The following PTPRT variants were observed in gnomAD, a reference collection of about 807,000 sequenced individuals.
PTPRT encodes receptor-type tyrosine-protein phosphatase T.
PTPRT carries 56 observed loss-of-function variants against 176.8 expected under a neutral mutation model. The observed-to-expected ratio is 0.32, with a 90% CI of 0.26 to 0.40. The LOEUF is 0.40. PTPRT is among the 10% of genes least tolerant of loss of function. The pLI, the probability that PTPRT is intolerant of heterozygous loss-of-function variation, is 1.00. For synonymous variants in PTPRT, 783 were observed against 739.0 expected, an observed-to-expected ratio of 1.06 and a Z score of -0.96; for missense variants, 1,540 against 1,908.2, an observed-to-expected ratio of 0.81 and a Z score of 3.60.
chr20:43,165,219 C>T (rs144638071), intron 1 of PTPRT, among the ~76,000 whole-genome samples: 8 of 149,434 alleles, frequency 5.4e-5, no homozygotes, highest in African/African-American at 7.4e-5. Context: ...AGTGCAATGG[C>T]GCAATGTCGG....
At chr20:42,184,595 C>CTTCCTCT (rs1990684333) in intron 16 of PTPRT, among the ~76,000 whole-genome samples, 1 of 29,428 alleles carries the variant, frequency 3.4e-5, no homozygotes, top group African/African-American at 9.1e-5. Flanking sequence ...CTTCTTCTTC[C>CTTCCTCT]TCTTCTTCTT....
chr20:42,717,337 A>G (rs2076240993), intron 6 of PTPRT, among the ~76,000 whole-genome samples: 1 of 152,104 alleles, frequency 6.6e-6, no homozygotes, highest in Non-Finnish European at 1.5e-5. Flanking sequence ...ACAACAGCAG[A>G]AGATCCAAAA....
At chr20:42,694,893 C>G (rs761536088) in intron 6 of PTPRT, among the ~76,000 whole-genome samples, 1 of 152,180 alleles carries the variant, frequency 6.6e-6, no homozygotes, top group African/African-American at 2.4e-5. Flanking sequence ...GGCTACAGTC[C>G]TCTCAGGGCC....
At chr20:43,166,015 C>T (rs932041627) in intron 1 of PTPRT, among the ~76,000 whole-genome samples, 6 of 151,090 alleles carry the variant, frequency 4.0e-5, no homozygotes, top group East Asian at 1.9e-4. Context: ...CATGGAGAAA[C>T]GTCATCTCTA....
At chr20:42,235,293 G>T (rs1325575025) in intron 15 of PTPRT, among the ~76,000 whole-genome samples, 6 of 151,326 alleles carry the variant, frequency 4.0e-5, no homozygotes, top group Non-Finnish European at 8.8e-5. Flanking sequence ...ATGGAGTTTT[G>T]CTCTTGTTGC....
rs115130337 is a variant in PTPRT, at chr20:42,485,603, T to G, written c.1154-13041A>C. Among the ~76,000 whole-genome samples the G allele has an allele frequency of 4.8e-3, 725 of 152,342 alleles. 7 individuals are homozygous for G. Among genetic ancestry groups the G allele is most frequent in the African/African-American group, 0.017 (692 of 41,582 alleles). The stretch of plus-strand genomic sequence containing the variant: ...CCCTTCTAGAAGTACTACCTTTTTT[T>G]TTCAGCTGGAGAATTTGGCTTTTCA... On this transcript the variant is annotated intron_variant, in intron 7 of 30. Coordinates refer to ENST00000373187, the MANE Select transcript of PTPRT (RefSeq NM_007050.6).
chr20:42,090,844 G>T lies in PTPRT; in HGVS notation c.3847-4991C>A, dbSNP rs546888685. ...TGCAACCTTGACATTTTCTTCCTTA[G>T]ATGTAAAACTTTTGAAGTTGGCTGA... On this transcript the variant is annotated intron_variant, in intron 27 of 30. Transcript: ENST00000373187. Among the ~76,000 whole-genome samples the T allele has an allele frequency of 1.3e-3, 196 of 152,322 alleles. 1 individual carries two copies. Among genetic ancestry groups the T allele is most frequent in the Admixed American group, 3.3e-3 (51 of 15,294 alleles).
intron 9 of PTPRT, among the ~76,000 whole-genome samples, chr20:42,413,707 C>G (rs1295918754): frequency 6.6e-6 from 1 of 152,134 alleles, no homozygotes; most frequent in East Asian, 1.9e-4. Flanking sequence ...TGGTTTATAC[C>G]TTTCCCAAGA....
At chr20:42,379,248 G>A (rs919539705) in intron 9 of PTPRT, among the ~76,000 whole-genome samples, 12 of 152,184 alleles carry the variant, frequency 7.9e-5, no homozygotes, top group African/African-American at 2.9e-4. Flanking sequence ...CCAACACCTG[G>A]TCATTACTCA....
At chr20:42,580,122 G>A (rs1422304576) in intron 7 of PTPRT, among the ~76,000 whole-genome samples, 5 of 152,068 alleles carry the variant, frequency 3.3e-5, no homozygotes, top group African/African-American at 9.7e-5. Context: ...TTCTACATAT[G>A]GCTAGCCAGT....
At chr20:43,093,731 A>T (rs1018263679) in intron 1 of PTPRT, among the ~76,000 whole-genome samples, 12 of 152,068 alleles carry the variant, frequency 7.9e-5, no homozygotes, top group South Asian at 6.2e-4. Context: ...ACCCCTAACC[A>T]TGGCCCTGGA....
chr20:42,165,178 C>T (rs747429558), intron 16 of PTPRT, among the ~76,000 whole-genome samples: 2 of 152,138 alleles, frequency 1.3e-5, no homozygotes, highest in African/African-American at 4.8e-5. Context: ...TGCTGCCCAC[C>T]CTTATCCCCT....
chr20:42,145,571 A>C (rs1332127410), intron 17 of PTPRT, among the ~76,000 whole-genome samples: 1 of 151,594 alleles, frequency 6.6e-6, no homozygotes, highest in Non-Finnish European at 1.5e-5. Context: ...GATTTAGCCT[A>C]TGGCTATAGC....
rs572996415 is a variant in PTPRT, at chr20:42,637,440, T to TC, written c.1153+40425dup. The stretch of plus-strand genomic sequence containing the variant: ...TGATCCTTACATATGCCAAGCTTGT[T>TC]CCCCCCTCACATCCTTTGCAATTGC... On this transcript the variant is annotated intron_variant, in intron 7 of 30. Transcript: ENST00000373187. Among the ~76,000 whole-genome samples the TC allele has an allele frequency of 4.8e-3, 725 of 152,148 alleles. 3 individuals are homozygous for TC. Among genetic ancestry groups the TC allele is most frequent in the Middle Eastern group, 0.014 (4 of 294 alleles).
At chr20:42,613,825 C>A (rs2074016428) in intron 7 of PTPRT, among the ~76,000 whole-genome samples, 3 of 152,146 alleles carry the variant, frequency 2.0e-5, no homozygotes, top group Admixed American at 2.0e-4. Context: ...TTGAATATTT[C>A]TTGAGCTATC....
chr20:42,783,271 C>T (rs1399186942), intron 3 of PTPRT, among the ~76,000 whole-genome samples: 1 of 151,682 alleles, frequency 6.6e-6, no homozygotes, highest in Non-Finnish European at 1.5e-5. Context: ...AAATCTAAAA[C>T]AAAATTAAAA....
chr20:42,481,248 T>C lies in PTPRT; in HGVS notation c.1154-8686A>G, dbSNP rs918794747. Among the ~76,000 whole-genome samples the C allele has an allele frequency of 5.9e-4, 90 of 152,138 alleles. 1 individual carries two copies. Among genetic ancestry groups the C allele is most frequent in the African/African-American group, 2.1e-3 (87 of 41,424 alleles). ...GCTTACTCTTGTTATGGAGGTAAAA[T>C]AAATGACTATGATTGTCACTTTAGG... On this transcript the variant is annotated intron_variant, in intron 7 of 30. Transcript: ENST00000373187.
At chr20:43,090,415 C>A (rs533735480) in intron 1 of PTPRT, among the ~76,000 whole-genome samples, 1 of 151,946 alleles carries the variant, frequency 6.6e-6, no homozygotes, top group African/African-American at 2.4e-5. Context: ...CTACAGGCGC[C>A]CGCCACCACG....
intron 6 of PTPRT, chr20:42,687,628 C>T (rs1166065735): frequency 2.6e-5 from 4 of 152,170 alleles, no homozygotes; most frequent in Non-Finnish European, 5.9e-5. Flanking sequence ...GATTCTAAAG[C>T]TTTGGAATCA....
Sources: allele counts gnomAD v4.1 joint callset (sites outside exome capture counted in the v4.1 genomes callset), GRCh38; gene constraint gnomAD v4.1.1; transcripts MANE v1.5; gene names NCBI Gene and HGNC (gene_info 2026-07-23, HGNC 2026-07-21).